Variants in OTX2 observed in about 807,000 individuals in gnomAD.
OTX2 encodes homeobox protein OTX2.
OTX2 carries 4 observed loss-of-function variants against 29.0 expected under a neutral mutation model. The ratio of observed to expected loss-of-function variants is 0.14; its 90% CI spans 0.07 to 0.32. OTX2 has a LOEUF of 0.32. Ranked by LOEUF, OTX2 falls within the 10% of genes least tolerant of loss-of-function variation. OTX2 has a pLI of 1.00. For missense variants in OTX2, 298 were observed against 365.9 expected, an observed-to-expected ratio of 0.81 and a Z score of 1.51; for synonymous variants, 134 against 141.0, an observed-to-expected ratio of 0.95 and a Z score of 0.35.
At chr14:56,809,134 C>T (rs981856477) in intron 2 of OTX2, among the ~76,000 whole-genome samples, 2 of 152,168 alleles carry the variant, frequency 1.3e-5, no homozygotes, top group African/African-American at 2.4e-5. Flanking sequence ...TGCCTCTCCC[C>T]GCCAGAGAAC....
chr14:56,805,412 C>A lies in OTX2; in HGVS notation c.45G>T (p.Leu15=). 1 of 1,614,108 alleles carries A rather than the reference C, an allele frequency of 6.2e-7. No individual in the cohort carries two copies. Among genetic ancestry groups the A allele is most frequent in the Non-Finnish European group, 8.5e-7 (1 of 1,179,970 alleles). ...AGTCCATACCCGAAGTGGTCAGACT[C>A]AGCCCATTGACTGCGTAAGGCGGTT... ...LKQPPYAVNG[L]SLTTSGMDLL... is the part of the protein sequence containing the mutation. The change falls in exon 3 of 5, where the codon CTG becomes CTT. Residue 15 remains leucine (L), a synonymous_variant. Transcript: ENST00000672264.
At chr14:56,806,443 GC>G (rs891453228) in intron 2 of OTX2, among the ~76,000 whole-genome samples, 1 of 152,200 alleles carries the variant, frequency 6.6e-6, no homozygotes, top group Non-Finnish European at 1.5e-5. Context: ...CACAGGGCTT[GC>G]CAGAAATTGT....
At chr14:56,809,848 A>G (rs1246910522) in intron 2 of OTX2, among the ~76,000 whole-genome samples, 1 of 152,166 alleles carries the variant, frequency 6.6e-6, no homozygotes, top group Non-Finnish European at 1.5e-5. Flanking sequence ...TAAAAACAAA[A>G]CCACAAACAA....
At position 56,802,394 on chromosome 14, in the gene OTX2, A is replaced by T. The variant is rs956278403; in HGVS notation, c.274-39T>A. On this transcript the variant is annotated intron_variant, in intron 4 of 4. Coordinates refer to ENST00000672264, the MANE Select transcript of OTX2 (RefSeq NM_021728.4). The surrounding 1 kb of genome is among the most constrained non-coding windows in gnomAD (Gnocchi z 4.4). ...GAAAATTCTTTAACTCGGTTTTGAT[A>T]GTTCCTTAAGGACAAGAATGGCTCC... The T allele has an allele frequency of 6.2e-7, 1 of 1,610,232 alleles. No homozygotes were observed. The highest frequency in any genetic ancestry group is 1.7e-4 in the Middle Eastern group (1 of 6,054).
At position 56,802,141 on chromosome 14, in the gene OTX2, G is replaced by A. The variant is rs1891907901; in HGVS notation, c.488C>T (p.Ala163Val). The A allele has an allele frequency of 6.2e-7, 1 of 1,614,054 alleles. No homozygotes were observed. Among genetic ancestry groups the A allele is most frequent in the Non-Finnish European group, 8.5e-7 (1 of 1,180,010 alleles). The part of the protein sequence containing the change: ...SSAPVSIWSP[A>V]SISPLSDPLS... Reference sequence around the variant, plus strand: ...GGGATCTGACAGTGGGGAGATGGAAGCTGGGCTCCAGATAGACACAGGAGC... The same window carrying A: ...GGGATCTGACAGTGGGGAGATGGAAACTGGGCTCCAGATAGACACAGGAGC... The change falls in exon 5 of 5, where the codon GCT (alanine) becomes GTT (valine). Residue 163 changes from alanine to valine, a missense_variant. Transcript: ENST00000672264. This position sits in a 1 kb window ranked among gnomAD's most constrained non-coding sequence, Gnocchi z 4.4.
chr14:56,802,339 C>T lies in OTX2; in HGVS notation c.290G>A (p.Arg97Gln), dbSNP rs200990681. 1.1e-5 allele frequency: 18 copies of T among 1,613,988 alleles called. No individual in the cohort carries two copies. The highest frequency in any genetic ancestry group is 1.7e-6 in the Non-Finnish European group (2 of 1,180,040). Residue 97 changes from arginine to glutamine, a missense_variant, in exon 5 of 5, where the codon CGA (arginine) becomes CAA (glutamine). Arg to Gln is a conservative substitution (Grantham distance 43). This residue lies in a region of OTX2 where 29 missense variants were observed against 84.7 expected (regional missense o/e 0.34). Coordinates refer to ENST00000672264, the MANE Select transcript of OTX2 (RefSeq NM_021728.4). The surrounding 1 kb of genome is among the most constrained non-coding windows in gnomAD (Gnocchi z 4.4). The stretch of plus-strand genomic sequence containing the variant: ...CTGTTGTTGGCGGCACTTAGCTCTT[C>T]GATTCTTAAACCATACCTTGGAAGG... Reference protein sequence around the residue: ...ESRVQVWFKNRRAKCRQQQQQ... With the variant: ...ESRVQVWFKNQRAKCRQQQQQ...
At chr14:56,805,725 T>TTCCCAC (rs1340586594) in intron 2 of OTX2, 150 bp from the exon 3 acceptor site, 13 of 300,042 alleles carry the variant, frequency 4.3e-5, no homozygotes, top group Non-Finnish European at 7.6e-5. Context: ...CCCACCCCCA[T>TTCCCAC]CCCCACCCCC....
In OTX2 at chr14:56,802,383, TC is replaced by T. The variant is rs1213752742; in HGVS notation, c.274-29del. 2 of 1,613,160 alleles carry T rather than the reference TC, an allele frequency of 1.2e-6. No homozygotes were observed. The highest frequency in any genetic ancestry group is 1.7e-6 in the Non-Finnish European group (2 of 1,179,708). On this transcript the variant is annotated intron_variant, in intron 4 of 4. Coordinates refer to ENST00000672264, the MANE Select transcript of OTX2 (RefSeq NM_021728.4). This position sits in a 1 kb window ranked among gnomAD's most constrained non-coding sequence, Gnocchi z 4.4. Reference sequence around the variant, plus strand: ...TGGAAGGGAAAGAAAATTCTTTAACTCGGTTTTGATAGTTCCTTAAGGACAA... The same window carrying T: ...TGGAAGGGAAAGAAAATTCTTTAACTGGTTTTGATAGTTCCTTAAGGACAA...
chr14:56,808,442 C>G (rs560453274), intron 2 of OTX2, among the ~76,000 whole-genome samples: 17 of 152,020 alleles, frequency 1.1e-4, no homozygotes, highest in Admixed American at 2.0e-4. Context: ...CTCTCTCCGG[C>G]GAACTCGAGT....
Position 56,802,818 on chromosome 14 carries a change from TC to T in OTX2, c.274-464del, listed in dbSNP as rs902283941. 6.6e-6 allele frequency among the ~76,000 whole-genome samples: 1 copy of T among 152,208 alleles called. No homozygotes were observed. The highest frequency in any genetic ancestry group is 2.4e-5 in the African/African-American group (1 of 41,444). ...GCCTAAATTCATTTACAGTTCATCTTCCAGGAAGCAACTGCTAATATAGAGG... is the reference window on the plus strand; with the variant it reads ...GCCTAAATTCATTTACAGTTCATCTTCAGGAAGCAACTGCTAATATAGAGG... On this transcript the variant is annotated intron_variant, in intron 4 of 4. Coordinates refer to ENST00000672264, the MANE Select transcript of OTX2 (RefSeq NM_021728.4). The surrounding 1 kb of genome is among the most constrained non-coding windows in gnomAD (Gnocchi z 4.4).
intron 2 of OTX2, among the ~76,000 whole-genome samples, chr14:56,808,099 C>T (rs1478670379): frequency 7.0e-6 from 1 of 143,666 alleles, no homozygotes; most frequent in African/African-American, 2.6e-5. Flanking sequence ...TCTGTCGCTT[C>T]TCCCTCCCCC....
chr14:56,805,476 G>T lies in OTX2; in HGVS notation c.-20C>A. On this transcript the variant is annotated 5_prime_UTR_variant, in exon 3 of 5. Transcript: ENST00000672264. ...CATCATGCTAAGGTTGTTTGGAGGTGCAAAGTCGGCCCAAATCGGGGGTAC... is the reference window on the plus strand; with the variant it reads ...CATCATGCTAAGGTTGTTTGGAGGTTCAAAGTCGGCCCAAATCGGGGGTAC... 1 of 1,562,826 alleles carries T rather than the reference G, an allele frequency of 6.4e-7. No individual in the cohort carries two copies. Among genetic ancestry groups the T allele is most frequent in the Non-Finnish European group, 8.8e-7 (1 of 1,134,006 alleles).
chr14:56,806,852 T>G (rs1892103452), intron 2 of OTX2: 1 of 152,210 alleles, frequency 6.6e-6, no homozygotes, highest in East Asian at 1.9e-4. Context: ...AGACTGGCAG[T>G]TTGCAAGTCT....
Position 56,801,354 on chromosome 14 carries a change from A to T in OTX2, c.*381T>A. ...GTTCATTCCTAAGATTCAACCAAGG[A>T]TTGGCTAAAACAATGGAACACCTCT... is the stretch of plus-strand genomic sequence containing the variant. On this transcript the variant is annotated 3_prime_UTR_variant, in exon 5 of 5. Coordinates refer to ENST00000672264, the MANE Select transcript of OTX2 (RefSeq NM_021728.4). The surrounding 1 kb of genome is among the most constrained non-coding windows in gnomAD (Gnocchi z 4.2). The T allele has an allele frequency of 3.4e-6, 1 of 297,434 alleles. No individual in the cohort carries two copies. The highest frequency in any genetic ancestry group is 6.5e-6 in the Non-Finnish European group (1 of 154,854). 18.4% of individuals were successfully genotyped at this position (297,434 alleles called of 1,614,324 possible).
chr14:56,807,910 C>T (rs760792898), intron 2 of OTX2, among the ~76,000 whole-genome samples: 6 of 152,204 alleles, frequency 3.9e-5, no homozygotes, highest in Admixed American at 6.5e-5. Context: ...CGGCGAGTTC[C>T]GGCAGCCGGT....
At chr14:56,805,326 AG>A in intron 3 of OTX2, 33 bp downstream of exon 3, 2 of 1,404,766 alleles carry the variant, frequency 1.4e-6, no homozygotes, top group Non-Finnish European at 2.0e-6. Context: ...GGCATGGGGA[AG>A]AGGGGTGCGG....
At chr14:56,805,678 C>A in intron 2 of OTX2, 103 bp from the exon 3 acceptor site, 1 of 550,866 alleles carries the variant, frequency 1.8e-6, no homozygotes, top group Admixed American at 2.7e-5. Context: ...ACGGACTAGG[C>A]GAGGCAGAGG....
At chr14:56,805,606 G>A in intron 2 of OTX2, 31 bp from the exon 3 acceptor site, 1 of 674,418 alleles carries the variant, frequency 1.5e-6, no homozygotes, top group Non-Finnish European at 2.7e-6. Flanking sequence ...CAAACAGAGG[G>A]GCTGGTTTAC....
rs756345000 is a variant in OTX2 at position 56,805,465 on chromosome 14, T to C, written c.-9A>G. 37 of 1,601,176 alleles carry C rather than the reference T, an allele frequency of 2.3e-5. No individual in the cohort carries two copies. The South Asian group carries it at 4.0e-4, about 17-fold the overall frequency. On this transcript the variant is annotated 5_prime_UTR_variant, in exon 3 of 5. Transcript: ENST00000672264. ...TTAAGATAAGACATCATGCTAAGGT[T>C]GTTTGGAGGTGCAAAGTCGGCCCAA... is the stretch of plus-strand genomic sequence containing the variant.
Sources: allele counts gnomAD v4.1 joint callset (sites outside exome capture counted in the v4.1 genomes callset), GRCh38; gene constraint gnomAD v4.1.1; regional missense constraint gnomAD v4.1.1; non-coding constraint Gnocchi (gnomAD v3.1); transcripts MANE v1.5; gene names NCBI Gene and HGNC (gene_info 2026-07-23, HGNC 2026-07-21).